Variants in RNF216 observed in about 807,000 individuals in gnomAD.
RNF216 encodes ring finger protein 216.
Under a neutral mutation model 110.8 loss-of-function variants are expected in RNF216, and 72 were observed. That is an observed-to-expected ratio of 0.65 (90% CI 0.54 to 0.79). The LOEUF (loss-of-function observed/expected upper bound fraction) is 0.79. RNF216 is among the 30% of genes least tolerant of loss of function. The pLI is 0.00. For synonymous variants in RNF216, 495 were observed against 407.5 expected (o/e 1.21, Z -2.59); for missense variants, 1,342 against 1,141.2 (o/e 1.18, Z -2.54).
chr7:5,750,276 A>G (rs896826836), intron 3 of RNF216, among the ~76,000 whole-genome samples: 2 of 152,234 alleles, frequency 1.3e-5, no homozygotes, highest in African/African-American at 4.8e-5. Context: ...TGCTGGATAC[A>G]GCACACAAAG....
rs769333718 is a variant in RNF216 at position 5,752,896 on chromosome 7, G to T, written c.151C>A (p.Pro51Thr). 2.5e-6 allele frequency: 4 copies of T among 1,612,422 alleles called. 1 individual carries two copies. In the South Asian group the frequency reaches 4.4e-5, roughly 18 times the overall value. Reference sequence around the variant, plus strand: ...AGGTCCTCTTCTTCATGCTGCTGAGGAGCTGGGGTGACCAGCATTGGAATC... The same window carrying T: ...AGGTCCTCTTCTTCATGCTGCTGAGTAGCTGGGGTGACCAGCATTGGAATC... ...ERIPMLVTPA[P>T]QQHEEEDLDD... Residue 51 changes from proline (P) to threonine (T), a missense_variant, in exon 3 of 17, where the codon CCT (proline) becomes ACT (threonine). Pro to Thr is a conservative substitution (Grantham distance 38, BLOSUM62 -1). Transcript: ENST00000389902.
At chr7:5,640,060 ATT>A (rs572182905) in intron 15 of RNF216, among the ~76,000 whole-genome samples, 35 of 138,758 alleles carry the variant, frequency 2.5e-4, no homozygotes, top group East Asian at 4.2e-4. Context: ...CGCCCGGCCA[ATT>A]TTTTTTTTTT....
intron 9 of RNF216, among the ~76,000 whole-genome samples, chr7:5,719,834 G>C (rs1289096773): frequency 6.6e-6 from 1 of 152,190 alleles, no homozygotes; most frequent in East Asian, 1.9e-4. Flanking sequence ...CAATGCAGCT[G>C]CTTTGTGGCT....
intron 13 of RNF216, among the ~76,000 whole-genome samples, chr7:5,688,997 T>A (rs1791158838): frequency 6.6e-6 from 1 of 152,144 alleles, no homozygotes; most frequent in Non-Finnish European, 1.5e-5. Context: ...TTTCTTCAAG[T>A]GGATCTGAGA....
At chr7:5,697,237 C>T (rs1427487419) in intron 13 of RNF216, among the ~76,000 whole-genome samples, 15 of 152,250 alleles carry the variant, frequency 9.9e-5, no homozygotes, top group East Asian at 5.8e-4. Flanking sequence ...AGACCCATGT[C>T]GCTCATGCAG....
At chr7:5,660,008 G>A (rs1789000598) in intron 13 of RNF216, among the ~76,000 whole-genome samples, 1 of 147,374 alleles carries the variant, frequency 6.8e-6, no homozygotes, top group Non-Finnish European at 1.5e-5. Flanking sequence ...AGGCTGGAGT[G>A]CAGTGGTGCC....
intron 13 of RNF216, among the ~76,000 whole-genome samples, chr7:5,679,863 T>C (rs1790538898): frequency 6.6e-6 from 1 of 152,158 alleles, no homozygotes. Flanking sequence ...CACCCGCCTT[T>C]CTGCTAAGCG....
chr7:5,766,696 T>C (rs959315016), intron 1 of RNF216, among the ~76,000 whole-genome samples: 5 of 152,244 alleles, frequency 3.3e-5, no homozygotes, highest in South Asian at 2.1e-4. Context: ...TGTTAGTCTA[T>C]GGTATCAGTC....
chr7:5,779,551 A>G (rs919301169), intron 1 of RNF216, among the ~76,000 whole-genome samples: 4 of 151,918 alleles, frequency 2.6e-5, no homozygotes, highest in Admixed American at 6.6e-5. Context: ...CGCGTAAAGA[A>G]TGTTCTGGCA....
chr7:5,726,624 G>A (rs1227821298), intron 7 of RNF216, among the ~76,000 whole-genome samples: 6 of 152,164 alleles, frequency 3.9e-5, no homozygotes, highest in South Asian at 2.1e-4. Context: ...TTGGGAGGCC[G>A]AGGCAGGTGG....
At chr7:5,735,968 C>T (rs894982696) in intron 5 of RNF216, among the ~76,000 whole-genome samples, 2 of 152,218 alleles carry the variant, frequency 1.3e-5, no homozygotes, top group African/African-American at 2.4e-5. Context: ...TGGCGCATGC[C>T]TGTAATCCCA....
At chr7:5,757,018 T>TA (rs1795680242) in intron 2 of RNF216, among the ~76,000 whole-genome samples, 1 of 152,246 alleles carries the variant, frequency 6.6e-6, no homozygotes, top group African/African-American at 2.4e-5. Flanking sequence ...ATAAATGTAA[T>TA]AGGCTACATT....
At chr7:5,768,326 G>T (rs1312978745) in intron 1 of RNF216, among the ~76,000 whole-genome samples, 1 of 85,130 alleles carries the variant, frequency 1.2e-5, no homozygotes, top group East Asian at 2.3e-4. Flanking sequence ...GTCCAGTAGT[G>T]GGAGGCCGAG....
chr7:5,646,835 G>A (rs1031075487), intron 14 of RNF216, among the ~76,000 whole-genome samples: 4 of 152,106 alleles, frequency 2.6e-5, no homozygotes, highest in South Asian at 2.1e-4. Flanking sequence ...GATCTTTGCA[G>A]TTGGAGTACT....
chr7:5,648,117 T>TG (rs2128573119), intron 14 of RNF216, among the ~76,000 whole-genome samples: 1 of 151,976 alleles, frequency 6.6e-6, no homozygotes, highest in African/African-American at 2.4e-5. Flanking sequence ...TATTTTTTTT[T>TG]TTTCTTGAGA....
chr7:5,734,496 TTATG>T (rs1453643945), intron 5 of RNF216, among the ~76,000 whole-genome samples: 1 of 152,182 alleles, frequency 6.6e-6, no homozygotes, highest in Non-Finnish European at 1.5e-5. Flanking sequence ...TCATTTTTCT[TTATG>T]TATATTATAT....
chr7:5,676,464 T>C (rs540022733), intron 13 of RNF216, among the ~76,000 whole-genome samples: 1 of 152,298 alleles, frequency 6.6e-6, no homozygotes, highest in Admixed American at 6.5e-5. Flanking sequence ...GTGAGAACTG[T>C]CGCTGGGGAA....
intron 15 of RNF216, among the ~76,000 whole-genome samples, chr7:5,628,634 T>A: frequency 6.6e-6 from 1 of 151,706 alleles, no homozygotes; most frequent in East Asian, 1.9e-4. Context: ...GAGATCTTCC[T>A]GCCCTAGCCT....
At chr7:5,646,574 T>A (rs1468666559) in intron 14 of RNF216, among the ~76,000 whole-genome samples, 1 of 150,768 alleles carries the variant, frequency 6.6e-6, no homozygotes, top group Admixed American at 6.6e-5. Flanking sequence ...ACAACTGTAG[T>A]CCCAGCCACT....
Sources: allele counts gnomAD v4.1 joint callset (sites outside exome capture counted in the v4.1 genomes callset), GRCh38; gene constraint gnomAD v4.1.1; transcripts MANE v1.5; gene names NCBI Gene and HGNC (gene_info 2026-07-23, HGNC 2026-07-21).